The following NCBP2L variants were observed in gnomAD, a reference collection of about 807,000 sequenced individuals.
The protein encoded by NCBP2L is nuclear cap-binding protein subunit 2-like.
For missense variants in NCBP2L, 95 were observed against 53.1 expected, an observed-to-expected ratio of 1.79 and a Z score of -2.45; for synonymous variants, 39 against 19.2, an observed-to-expected ratio of 2.04 and a Z score of -2.70.
chrX:107,781,916 G>C (rs1193813371), intron 1 of NCBP2L, among the ~76,000 whole-genome samples: 1 of 91,855 alleles, frequency 1.1e-5, no homozygotes, highest in East Asian at 3.3e-4. Context: ...GTAGAGACAG[G>C]GTTTCACCAT....
chrX:107,782,374 T>A lies in NCBP2L; in HGVS notation c.-73+4516T>A, dbSNP rs1448448432. ...ATAAATATATATATATATAAATATA[T>A]ATATATATATACCCACACATATATA... On this transcript the variant is annotated intron_variant, in intron 1 of 1. Transcript: ENST00000509000. Among the ~76,000 whole-genome samples, 18 of 61,834 alleles carry A rather than the reference T, an allele frequency of 2.9e-4. No individual in the cohort carries two copies. The East Asian group carries it at 8.4e-3, about 29-fold the overall frequency. The allele number at this position is 61,834 out of a possible 115,157, so 53.7% of individuals were successfully genotyped here. A position where few individuals can be genotyped will look rare whatever the true frequency, so the allele number is the denominator to read the frequency against.
rs745910680 is a variant in NCBP2L, at chrX:107,793,097, TA to T, written c.-72-1051del. Among the ~76,000 whole-genome samples, 158 of 112,165 alleles carry T rather than the reference TA, an allele frequency of 1.4e-3. 1 individual carries two copies. Among genetic ancestry groups the T allele is most frequent in the South Asian group, 2.6e-3 (7 of 2,707 alleles). On this transcript the variant is annotated intron_variant, in intron 1 of 1. Transcript: ENST00000509000. Reference sequence around the variant, plus strand: ...CACTGTGTCTTTTCATTGTTGTACTTATAGCACCTGTCATAGTGTCTGGCAA... The same window carrying T: ...CACTGTGTCTTTTCATTGTTGTACTTTAGCACCTGTCATAGTGTCTGGCAA...
intron 1 of NCBP2L, among the ~76,000 whole-genome samples, chrX:107,781,107 G>A (rs767150425): frequency 2.7e-5 from 3 of 110,238 alleles, no homozygotes; most frequent in African/African-American, 6.6e-5. Flanking sequence ...TTGTAGAGAC[G>A]AGGTCTCGCC....
intron 1 of NCBP2L, among the ~76,000 whole-genome samples, chrX:107,782,326 A>AATATATATATAAATATATATATATAAAT (rs1482852089): frequency 3.3e-5 from 1 of 30,514 alleles, no homozygotes; most frequent in African/African-American, 5.3e-4. Context: ...TATATATATA[A>AATATATATATAAATATATATATATAAAT]ATATATATAT....
chrX:107,781,664 A>C (rs10081899), intron 1 of NCBP2L, among the ~76,000 whole-genome samples: 309 of 65,374 alleles, frequency 4.7e-3, no homozygotes, highest in Non-Finnish European at 3.9e-3. Context: ...CTATCTATCT[A>C]TCTATCTATC....
chrX:107,781,950 C>G (rs1489263081), intron 1 of NCBP2L, among the ~76,000 whole-genome samples: 2 of 92,872 alleles, frequency 2.2e-5, no homozygotes, highest in Non-Finnish European at 4.2e-5. Flanking sequence ...GTCTCAATCT[C>G]CTGACCTGAG....
At chrX:107,793,464 G>A (rs766012324) in intron 1 of NCBP2L, among the ~76,000 whole-genome samples, 11 of 111,594 alleles carry the variant, frequency 9.9e-5, no homozygotes, top group Admixed American at 4.8e-4. Flanking sequence ...TAATGCCTCC[G>A]AATGCTGCAG....
At chrX:107,785,040 A>G (rs760413477) in intron 1 of NCBP2L, among the ~76,000 whole-genome samples, 6 of 103,557 alleles carry the variant, frequency 5.8e-5, no homozygotes, top group African/African-American at 2.3e-4. Context: ...AAGGAAGGAA[A>G]GAAAGAAAGA....
At chrX:107,781,155 A>T (rs1386259741) in intron 1 of NCBP2L, among the ~76,000 whole-genome samples, 1 of 110,351 alleles carries the variant, frequency 9.1e-6, no homozygotes, top group African/African-American at 3.3e-5. Flanking sequence ...TGGCTCAAGC[A>T]ATCTGCCTGC....
intron 1 of NCBP2L, among the ~76,000 whole-genome samples, chrX:107,788,269 G>A (rs960523053): frequency 1.5e-4 from 17 of 111,992 alleles, no homozygotes; most frequent in African/African-American, 5.5e-4. Flanking sequence ...CCTTTAGCAG[G>A]TAGGTGTTCA....
intron 1 of NCBP2L, among the ~76,000 whole-genome samples, chrX:107,781,680 C>CTATCTATCTA (rs1273595792): frequency 2.3e-4 from 8 of 35,076 alleles, no homozygotes; most frequent in African/African-American, 7.2e-4. Context: ...CTATCTATCT[C>CTATCTATCTA]TCTCTCTCTC....
intron 1 of NCBP2L, among the ~76,000 whole-genome samples, chrX:107,778,149 AATT>A (rs1225166062): frequency 3.6e-5 from 4 of 111,457 alleles, no homozygotes; most frequent in Non-Finnish European, 7.5e-5. Context: ...TCTTGTTTAT[AATT>A]ATTTCATGTT....
At chrX:107,782,033 T>C (rs1388254460) in intron 1 of NCBP2L, among the ~76,000 whole-genome samples, 1 of 92,704 alleles carries the variant, frequency 1.1e-5, no homozygotes, top group Non-Finnish European at 2.1e-5. Flanking sequence ...CAGAGATCTA[T>C]ACTTTTAAAA....
In NCBP2L at chrX:107,786,774, A is replaced by G. The variant is rs57402183; in HGVS notation, c.-72-7375A>G. On this transcript the variant is annotated intron_variant, in intron 1 of 1. Coordinates refer to ENST00000509000, the MANE Select transcript of NCBP2L (RefSeq NM_001348372.2). ...CAGAAGGGTCAAGGAACTTGACAAAAGTTATACAGACAGCACAATTAGAGG... is the reference window on the plus strand; with the variant it reads ...CAGAAGGGTCAAGGAACTTGACAAAGGTTATACAGACAGCACAATTAGAGG... Among the ~76,000 whole-genome samples the G allele has an allele frequency of 8.1e-3, 903 of 112,079 alleles. 8 individuals are homozygous for G. The highest frequency in any genetic ancestry group is 0.028 in the African/African-American group (863 of 30,824).
intron 1 of NCBP2L, among the ~76,000 whole-genome samples, chrX:107,781,798 T>C (rs1200839153): frequency 1.0e-5 from 1 of 96,415 alleles, no homozygotes; most frequent in Admixed American, 1.2e-4. Flanking sequence ...ATATCTATAT[T>C]TATATATAGA....
chrX:107,788,601 G>A (rs1057245660), intron 1 of NCBP2L, among the ~76,000 whole-genome samples: 4 of 112,220 alleles, frequency 3.6e-5, no homozygotes, highest in Non-Finnish European at 5.6e-5. Context: ...GAAATGGAAC[G>A]TAGTGCTCGC....
At chrX:107,780,293 C>T (rs1337683960) in intron 1 of NCBP2L, among the ~76,000 whole-genome samples, 1 of 111,366 alleles carries the variant, frequency 9.0e-6, no homozygotes, top group Non-Finnish European at 1.9e-5. Context: ...CTGCAGTGAG[C>T]CATTATTGCT....
At chrX:107,785,193 T>G (rs1482312978) in intron 1 of NCBP2L, among the ~76,000 whole-genome samples, 2 of 111,954 alleles carry the variant, frequency 1.8e-5, no homozygotes, top group Non-Finnish European at 3.8e-5. Flanking sequence ...GACATTGGTT[T>G]TCTGATGAGC....
At chrX:107,779,294 CAA>C (rs1156351078) in intron 1 of NCBP2L, among the ~76,000 whole-genome samples, 3 of 112,154 alleles carry the variant, frequency 2.7e-5, no homozygotes, top group Non-Finnish European at 3.8e-5. Context: ...CTATTGGGGA[CAA>C]AGTCACAGGT....
Sources: gnomAD v4.1 joint callset for allele counts (sites outside exome capture counted in the v4.1 genomes callset) on GRCh38, gnomAD v4.1.1 for gene constraint, MANE v1.5 for transcripts, NCBI Gene and HGNC (gene_info 2026-07-23, HGNC 2026-07-21) for gene names.